The following DNAH10 variants were observed in gnomAD, a reference collection of about 807,000 sequenced individuals.
DNAH10 encodes the protein axonemal beta dynein heavy chain 10.
In DNAH10, 348 loss-of-function variants were observed where a neutral mutation model predicts 506.6. The ratio of observed to expected loss-of-function variants is 0.69; its 90% CI spans 0.63 to 0.75. DNAH10 has a LOEUF of 0.75. Among genes scored for constraint, DNAH10 ranks in the 30% least tolerant of loss-of-function variants. The pLI is 0.00. For missense variants in DNAH10, 5,179 were observed against 5,787.1 expected (o/e 0.89, Z 3.41); for synonymous variants, 2,059 against 2,198.6 (o/e 0.94, Z 1.78).
chr12:123,828,547 G>A (rs901562892), intron 25 of DNAH10, among the ~76,000 whole-genome samples: 14 of 152,124 alleles, frequency 9.2e-5, no homozygotes, highest in Admixed American at 2.6e-4. Context: ...AGGCATACTC[G>A]CCGAGTCTGC....
chr12:123,884,926 A>G (rs1323970605), intron 51 of DNAH10, among the ~76,000 whole-genome samples: 1 of 152,146 alleles, frequency 6.6e-6, no homozygotes, highest in African/African-American at 2.4e-5. Flanking sequence ...CTTTTTTTAA[A>G]TTATTTTTCT....
At chr12:123,832,958 AATT>A (rs1960732028) in intron 26 of DNAH10, among the ~76,000 whole-genome samples, 153 bp from the exon 27 acceptor site, 1 of 152,176 alleles carries the variant, frequency 6.6e-6, no homozygotes, top group African/African-American at 2.4e-5. Context: ...GATAAGTGGC[AATT>A]ATTACCATGA....
At chr12:123,873,163 G>A (rs1486791602) in intron 45 of DNAH10, among the ~76,000 whole-genome samples, 2 of 152,170 alleles carry the variant, frequency 1.3e-5, no homozygotes, top group Admixed American at 6.5e-5. Flanking sequence ...CATCTCATAC[G>A]ATGCAATAGC....
chr12:123,915,832 G>A (rs1011935951), intron 62 of DNAH10, among the ~76,000 whole-genome samples: 2 of 152,230 alleles, frequency 1.3e-5, no homozygotes, highest in African/African-American at 4.8e-5. Context: ...GTGAATGTTG[G>A]TGCACACGTT....
intron 59 of DNAH10, among the ~76,000 whole-genome samples, chr12:123,911,200 T>A (rs1353869508): frequency 7.4e-6 from 1 of 134,556 alleles, no homozygotes; most frequent in Non-Finnish European, 1.6e-5. Context: ...TAAAGATGTT[T>A]AAAGTTGTTT....
chr12:123,764,588 T>A (rs1301296150), intron 1 of DNAH10, among the ~76,000 whole-genome samples: 2 of 152,216 alleles, frequency 1.3e-5, no homozygotes, highest in African/African-American at 4.8e-5. Context: ...GTGGCTGTTG[T>A]CTGCTGTGTT....
In DNAH10 at chr12:123,925,292, T is replaced by G; in HGVS notation, c.11921+88T>G. ...CCTTGGACTCAAAGAAAGCAGAGGC[T>G]GACCAGCTCCCGAGACAGCTGTCGC... On this transcript the variant is annotated intron_variant, in intron 68 of 78. Coordinates refer to ENST00000673944, the MANE Select transcript of DNAH10 (RefSeq NM_001372106.1). The surrounding 1 kb of genome is among the most constrained non-coding windows in gnomAD (Gnocchi z 4.0). 6.3e-7 allele frequency: 1 copy of G among 1,579,014 alleles called. No individual in the cohort carries two copies. Among genetic ancestry groups the G allele is most frequent in the Non-Finnish European group, 8.6e-7 (1 of 1,156,184 alleles).
At chr12:123,806,217 C>T (rs1958669400) in intron 18 of DNAH10, among the ~76,000 whole-genome samples, 1 of 152,188 alleles carries the variant, frequency 6.6e-6, no homozygotes, top group Non-Finnish European at 1.5e-5. Flanking sequence ...AAATTTGTGG[C>T]CTAAATGCAG....
chr12:123,827,841 A>G (rs1035810968), intron 25 of DNAH10, among the ~76,000 whole-genome samples: 4 of 152,110 alleles, frequency 2.6e-5, no homozygotes, highest in African/African-American at 7.2e-5. Flanking sequence ...GGCCCTGGTG[A>G]CGTGGAGTCT....
rs753280641 is a variant in DNAH10, at chr12:123,861,057, G to A, written c.6795G>A (p.Val2265=). 1.2e-6 allele frequency: 2 copies of A among 1,613,958 alleles called. No individual in the cohort carries two copies. Among genetic ancestry groups the A allele is most frequent in the Non-Finnish European group, 1.7e-6 (2 of 1,179,892 alleles). Residue 2265 remains valine, a synonymous_variant, in exon 39 of 79, where the codon GTG becomes GTA. Transcript: ENST00000673944. Reference sequence around the variant, plus strand: ...TGTACATCCTGAACCCCAAAGCCGTGAGTGTCATAGAACTCTACGGCATCC... The same window carrying A: ...TGTACATCCTGAACCCCAAAGCCGTAAGTGTCATAGAACTCTACGGCATCC... ...TKLYILNPKA[V]SVIELYGILD...
At chr12:123,914,014 G>A (rs1418883579) in intron 60 of DNAH10, among the ~76,000 whole-genome samples, 1 of 152,166 alleles carries the variant, frequency 6.6e-6, no homozygotes, top group Non-Finnish European at 1.5e-5. Context: ...TGATTTATAT[G>A]TCTTTGATTA....
Position 123,859,230 on chromosome 12 carries a change from G to A in DNAH10, c.6711G>A (p.Lys2237=). Residue 2237 remains lysine, a synonymous_variant, in exon 38 of 79, where the codon AAG becomes AAA. Coordinates refer to ENST00000673944, the MANE Select transcript of DNAH10 (RefSeq NM_001372106.1). ...TGGTGGGGCCCACCAGAGGGGGCAA[G>A]TCCGTCGTCATTAACACTCTGTGTC... is the stretch of plus-strand genomic sequence containing the variant. ...TMVVGPTRGG[K]SVVINTLCQA... is the part of the protein sequence containing the mutation. 6.2e-7 allele frequency: 1 copy of A among 1,610,426 alleles called. No homozygotes were observed. The highest frequency in any genetic ancestry group is 1.1e-5 in the South Asian group (1 of 89,940).
At chr12:123,796,406 G>A (rs1046726092) in intron 12 of DNAH10, among the ~76,000 whole-genome samples, 2 of 152,070 alleles carry the variant, frequency 1.3e-5, no homozygotes, top group African/African-American at 2.4e-5. Context: ...TCAGTGAGCC[G>A]AGATCATGCC....
At position 123,799,396 on chromosome 12, in the gene DNAH10, C is replaced by T. The variant is rs534189627; in HGVS notation, c.2289+25C>T. 2.9e-5 allele frequency: 47 copies of T among 1,601,538 alleles called. No homozygotes were observed. In the Middle Eastern group the frequency reaches 8.6e-4, roughly 29 times the overall value. ...GGTGCGCTGCCCACGCCCTCATTCC[C>T]GATTGCCGCGTGAGACGATGGCGTC... On this transcript the variant is annotated intron_variant, in intron 14 of 78. Transcript: ENST00000673944.
Position 123,838,595 on chromosome 12 carries a change from A to G in DNAH10, c.5042A>G (p.Asn1681Ser), listed in dbSNP as rs773784957. Residue 1681 changes from asparagine to serine, a missense_variant, in exon 29 of 79, where the codon AAT becomes AGT. Physicochemically the swap from Asn to Ser is conservative, Grantham distance 46 (BLOSUM62 1). Transcript: ENST00000673944. ...AACGACTACTTAGATTCGAAGAGAA[A>G]TGCTTTCCCAAGGTTCTTCTTCATT... ...SLNDYLDSKR[N>S]AFPRFFFISD... 7 of 1,613,914 alleles carry G rather than the reference A, an allele frequency of 4.3e-6. No individual in the cohort carries two copies. Among genetic ancestry groups the G allele is most frequent in the East Asian group, 4.5e-5 (2 of 44,884 alleles).
chr12:123,886,693 C>T (rs1450043503), intron 51 of DNAH10, among the ~76,000 whole-genome samples: 1 of 152,000 alleles, frequency 6.6e-6, no homozygotes, highest in African/African-American at 2.4e-5. Flanking sequence ...TTCTGACAGT[C>T]GCTGGTTGCA....
chr12:123,822,304 A>G (rs1033939203), intron 24 of DNAH10, among the ~76,000 whole-genome samples: 2 of 152,126 alleles, frequency 1.3e-5, no homozygotes, highest in African/African-American at 2.4e-5. Flanking sequence ...TCATTTATCT[A>G]TTGACTTAGT....
intron 39 of DNAH10, among the ~76,000 whole-genome samples, chr12:123,863,012 T>G (rs1350091934): frequency 6.6e-6 from 1 of 152,170 alleles, no homozygotes; most frequent in Non-Finnish European, 1.5e-5. Flanking sequence ...TCATACTGTT[T>G]TATTCTCATA....
At chr12:123,782,776 G>C (rs1319283850) in intron 6 of DNAH10, among the ~76,000 whole-genome samples, 3 of 151,840 alleles carry the variant, frequency 2.0e-5, no homozygotes, top group Non-Finnish European at 2.9e-5. Flanking sequence ...ATTTATCTTT[G>C]ACTGACTGTT....
Sources: gnomAD v4.1 joint callset for allele counts (sites outside exome capture counted in the v4.1 genomes callset) on GRCh38, gnomAD v4.1.1 for gene constraint, Gnocchi (gnomAD v3.1) non-coding constraint, MANE v1.5 for transcripts, NCBI Gene and HGNC (gene_info 2026-07-23, HGNC 2026-07-21) for gene names.